The following STXBP4 variants were observed in gnomAD, a reference collection of about 807,000 sequenced individuals.
STXBP4 encodes syntaxin binding protein 4, also known as syntaxin-binding protein 4.
Under a neutral mutation model 76.1 loss-of-function variants are expected in STXBP4, and 55 were observed. The observed-to-expected ratio is 0.72, with a 90% CI of 0.58 to 0.91. The LOEUF (loss-of-function observed/expected upper bound fraction) is 0.91. Ranked by LOEUF, STXBP4 falls within the 40% of genes least tolerant of loss-of-function variation. The probability of loss-of-function intolerance (pLI) is 0.00; values close to 1 mark genes in which losing one functional copy is unlikely to be tolerated. For missense variants in STXBP4, 618 were observed against 636.9 expected (o/e 0.97, Z 0.32); for synonymous variants, 201 against 220.2 (o/e 0.91, Z 0.77).
intron 8 of STXBP4, among the ~76,000 whole-genome samples, chr17:55,022,612 C>T (rs1422000467): frequency 6.6e-6 from 1 of 152,024 alleles, no homozygotes; most frequent in Non-Finnish European, 1.5e-5. Context: ...GACAATAAGA[C>T]ATGGTAGATT....
chr17:55,096,806 A>G (rs2144996122), intron 16 of STXBP4, among the ~76,000 whole-genome samples: 1 of 152,110 alleles, frequency 6.6e-6, no homozygotes, highest in South Asian at 2.1e-4. Context: ...CTGGGGATGC[A>G]CTCCTCCATA....
chr17:55,185,311 CCTT>C, the STXBP4 span, among the ~76,000 whole-genome samples: 3 of 112,326 alleles, frequency 2.7e-5, no homozygotes, highest in Non-Finnish European at 6.1e-5. Flanking sequence ...TTCTCCTTCT[CCTT>C]CTCCTTCTCC....
intron 9 of STXBP4, among the ~76,000 whole-genome samples, chr17:55,031,565 C>T (rs1210139916): frequency 6.6e-6 from 1 of 151,954 alleles, no homozygotes; most frequent in Non-Finnish European, 1.5e-5. Flanking sequence ...AGAAACAGTA[C>T]AAAATATGGA....
At position 55,165,566 on chromosome 17, in the gene STXBP4, T is replaced by TTC. The variant is rs1473904956; in HGVS notation, c.*5660_*5661dup. The stretch of plus-strand genomic sequence containing the variant: ...GGATCTTTTCCATTCAATCCACATG[T>TTC]TCTCTCAATGGAAATCAATTCGGAC... On this transcript the variant is annotated 3_prime_UTR_variant, in exon 18 of 18. Transcript: ENST00000376352. 6.6e-6 allele frequency: 1 copy of TTC among 152,242 alleles called. No individual in the cohort carries two copies. The highest frequency in any genetic ancestry group is 1.5e-5 in the Non-Finnish European group (1 of 68,052). The allele number at this position is 152,242 out of a possible 1,614,324, so 9.4% of individuals were successfully genotyped here.
chr17:55,107,541 CT>C lies in STXBP4; in HGVS notation c.1489+26363del, dbSNP rs769432350. Among the ~76,000 whole-genome samples the C allele has an allele frequency of 3.7e-4, 57 of 152,192 alleles. 1 individual carries two copies. Among genetic ancestry groups the C allele is most frequent in the Non-Finnish European group, 7.3e-4 (50 of 68,042 alleles). On this transcript the variant is annotated intron_variant, in intron 16 of 17. Transcript: ENST00000376352. ...CATTCTGGTTTTTGGAATTTTCAGC[CT>C]TTTTGCACTGGTTTTTCCACGTCTT...
chr17:54,997,604 A>AT (rs1482754028), intron 4 of STXBP4, among the ~76,000 whole-genome samples: 2 of 146,166 alleles, frequency 1.4e-5, no homozygotes, highest in African/African-American at 5.0e-5. Context: ...TATATTTTAT[A>AT]TATATATATA....
At chr17:55,125,826 G>A (rs2079905038) in intron 16 of STXBP4, among the ~76,000 whole-genome samples, 1 of 152,154 alleles carries the variant, frequency 6.6e-6, no homozygotes, top group Non-Finnish European at 1.5e-5. Context: ...ATAACTTGCA[G>A]TCTTTCTGGC....
intron 12 of STXBP4, among the ~76,000 whole-genome samples, chr17:55,062,114 A>G (rs1277575408): frequency 6.6e-6 from 1 of 152,016 alleles, no homozygotes; most frequent in Non-Finnish European, 1.5e-5. Context: ...ATATATTTTA[A>G]GTTCTGGGAT....
chr17:55,123,989 A>G (rs1019404035), intron 16 of STXBP4, among the ~76,000 whole-genome samples: 3 of 152,140 alleles, frequency 2.0e-5, no homozygotes, highest in African/African-American at 4.8e-5. Context: ...CCTAATTTCT[A>G]TTAATACCTT....
Position 55,161,692 on chromosome 17 carries a change from C to G in STXBP4, c.*1781C>G, listed in dbSNP as rs2145199317. Reference sequence around the variant, plus strand: ...AAATACCTAGTGAAAAAGGCCTAAACAATTGTAATGATATTATTTATTGGG... The same window carrying G: ...AAATACCTAGTGAAAAAGGCCTAAAGAATTGTAATGATATTATTTATTGGG... On this transcript the variant is annotated 3_prime_UTR_variant, in exon 18 of 18. Coordinates refer to ENST00000376352, the MANE Select transcript of STXBP4 (RefSeq NM_178509.6). 6.6e-6 allele frequency: 1 copy of G among 152,262 alleles called. No individual in the cohort carries two copies. The highest frequency in any genetic ancestry group is 1.9e-4 in the East Asian group (1 of 5,190). 9.4% of individuals were successfully genotyped at this position (152,262 alleles called of 1,614,324 possible).
chr17:54,969,252 GGAGA>G (rs1389390249), intron 1 of STXBP4, among the ~76,000 whole-genome samples: 1 of 152,178 alleles, frequency 6.6e-6, no homozygotes, highest in Non-Finnish European at 1.5e-5. Context: ...AGTTTGTTCT[GGAGA>G]GAGTGACCAG....
At chr17:55,038,110 T>G (rs1050050938) in intron 10 of STXBP4, among the ~76,000 whole-genome samples, 3 of 152,188 alleles carry the variant, frequency 2.0e-5, no homozygotes, top group African/African-American at 7.2e-5. Flanking sequence ...CATGTATGTC[T>G]TTTATTCATG....
intron 17 of STXBP4, among the ~76,000 whole-genome samples, chr17:55,143,962 A>G (rs1481132348): frequency 6.6e-6 from 1 of 151,816 alleles, no homozygotes; most frequent in Non-Finnish European, 1.5e-5. Flanking sequence ...AAAATTGCAG[A>G]GCCAAGATTC....
rs2078503817 is a variant in STXBP4 at position 55,031,197 on chromosome 17, A to G, written c.696A>G (p.Thr232=). The change falls in exon 9 of 18, where the codon ACA becomes ACG. Residue 232 remains threonine, a synonymous_variant. Coordinates refer to ENST00000376352, the MANE Select transcript of STXBP4 (RefSeq NM_178509.6). ...MALNYLGIQP[T]KEQHQALRQQ... ...TAAATTATCTTGGTATTCAGCCCAC[A>G]AAGGAACAACACCAAGCCCTGAGAC... 1 of 1,613,176 alleles carries G rather than the reference A, an allele frequency of 6.2e-7. No individual in the cohort carries two copies. Among genetic ancestry groups the G allele is most frequent in the Non-Finnish European group, 8.5e-7 (1 of 1,179,478 alleles).
chr17:55,109,524 C>T (rs2079683961), intron 16 of STXBP4, among the ~76,000 whole-genome samples: 1 of 151,314 alleles, frequency 6.6e-6, no homozygotes, highest in Non-Finnish European at 1.5e-5. Context: ...ATAAACTGAA[C>T]ATGGTAAGGC....
At chr17:55,078,023 C>G in intron 13 of STXBP4, 55 bp from the exon 14 acceptor site, 1 of 1,043,158 alleles carries the variant, frequency 9.6e-7, no homozygotes, top group Non-Finnish European at 1.4e-6. Flanking sequence ...AAATAGGGAC[C>G]AGTAATGTAA....
the STXBP4 span, among the ~76,000 whole-genome samples, chr17:55,185,296 T>C: frequency 1.9e-3 from 165 of 87,898 alleles, no homozygotes; most frequent in African/African-American, 2.4e-3. Flanking sequence ...TCCTTCTCCT[T>C]CTCCTTCTCC....
At chr17:54,996,357 G>A (rs2077803708) in intron 4 of STXBP4, among the ~76,000 whole-genome samples, 1 of 151,568 alleles carries the variant, frequency 6.6e-6, no homozygotes, top group Admixed American at 6.6e-5. Flanking sequence ...TGTGGAAGGT[G>A]GATGATGAAG....
intron 4 of STXBP4, among the ~76,000 whole-genome samples, chr17:54,996,743 A>G (rs2077809943): frequency 6.6e-6 from 1 of 152,212 alleles, no homozygotes; most frequent in Non-Finnish European, 1.5e-5. Context: ...AAGTACAGGA[A>G]AGGAATCTTA....
Sources: allele counts gnomAD v4.1 joint callset (sites outside exome capture counted in the v4.1 genomes callset), GRCh38; gene constraint gnomAD v4.1.1; transcripts MANE v1.5; gene names NCBI Gene and HGNC (gene_info 2026-07-23, HGNC 2026-07-21).